The following SH2D4B variants were observed in gnomAD, a reference collection of about 807,000 sequenced individuals.
SH2D4B encodes the protein SH2 domain containing 4B, also known as SH2 domain-containing protein 4B.
In SH2D4B, 45 loss-of-function variants were observed where a neutral mutation model predicts 61.5. The ratio of observed to expected loss-of-function variants is 0.73; its 90% confidence interval spans 0.58 to 0.94. The LOEUF (loss-of-function observed/expected upper bound fraction) is 0.94. SH2D4B is among the 40% of genes least tolerant of loss of function. The pLI, the probability that SH2D4B is intolerant of heterozygous loss-of-function variation, is 0.00. For synonymous variants in SH2D4B, 224 were observed against 220.4 expected (o/e 1.02, Z -0.14); for missense variants, 572 against 574.2 (o/e 1.00, Z 0.04).
chr10:80,624,720 G>C (rs1302202186), intron 6 of SH2D4B, among the ~76,000 whole-genome samples: 1 of 151,932 alleles, frequency 6.6e-6, no homozygotes, highest in African/African-American at 2.4e-5. Flanking sequence ...CATACTTCAG[G>C]GACACAGACA....
intron 4 of SH2D4B, among the ~76,000 whole-genome samples, chr10:80,591,639 T>C (rs113339529): frequency 0.027 from 4,163 of 151,936 alleles, 183 homozygotes; most frequent in African/African-American, 0.093. Flanking sequence ...TAGCTGGGAT[T>C]ACAGGTGTGT....
chr10:80,588,898 G>A (rs1212819369), intron 4 of SH2D4B, 121 bp downstream of exon 4: 2 of 1,257,456 alleles, frequency 1.6e-6, no homozygotes, highest in Admixed American at 2.1e-5. Context: ...GCCTTTACTT[G>A]GACCCGGCCA....
chr10:80,627,832 T>C (rs1294787241), intron 6 of SH2D4B, among the ~76,000 whole-genome samples: 1 of 151,912 alleles, frequency 6.6e-6, no homozygotes, highest in Non-Finnish European at 1.5e-5. Flanking sequence ...AGAGAAAATG[T>C]TCCTGGAAAC....
At chr10:80,585,465 C>T (rs575053968) in intron 3 of SH2D4B, among the ~76,000 whole-genome samples, 4 of 152,204 alleles carry the variant, frequency 2.6e-5, no homozygotes, top group African/African-American at 7.2e-5. Context: ...CAGGTGCATG[C>T]CACCATGCCC....
Position 80,609,407 on chromosome 10 carries a change from A to C in SH2D4B, c.861-17A>C, listed in dbSNP as rs1589356072. The stretch of plus-strand genomic sequence containing the variant: ...CCTCCCTGACTCTTCTGCCCTCCCC[A>C]CTTTCTTTCTCTTCAGCAGGACCTG... On this transcript the variant is annotated splice_polypyrimidine_tract_variant and intron_variant, in intron 5 of 7. Transcript: ENST00000646907. 5 of 1,577,432 alleles carry C rather than the reference A, an allele frequency of 3.2e-6. No individual in the cohort carries two copies. The South Asian group carries it at 3.4e-5, about 11-fold the overall frequency.
intron 6 of SH2D4B, among the ~76,000 whole-genome samples, chr10:80,632,862 GCTC>G (rs149232623): frequency 0.027 from 4,042 of 151,800 alleles, 189 homozygotes; most frequent in African/African-American, 0.094. Flanking sequence ...TGGCGAAAGG[GCTC>G]CTCACTTCCT....
intron 4 of SH2D4B, among the ~76,000 whole-genome samples, chr10:80,591,404 T>C (rs1163138609): frequency 3.3e-5 from 5 of 151,878 alleles, no homozygotes; most frequent in Admixed American, 1.3e-4. Flanking sequence ...ATTGAGGGGC[T>C]GAGTCTGGTA....
At chr10:80,638,255 G>T (rs554841093) in intron 7 of SH2D4B, among the ~76,000 whole-genome samples, 72 of 152,176 alleles carry the variant, frequency 4.7e-4, no homozygotes, top group African/African-American at 1.6e-3. Flanking sequence ...CTCTTTTTTT[G>T]TTGTGTCTCT....
rs553331122 is a variant in SH2D4B at position 80,561,006 on chromosome 10, G to A, written c.185-9148G>A. ...ATTCCTTGGTGAAACAGTAAACTTC[G>A]TACTGTGTGACAAAATGGGAAGTAT... On this transcript the variant is annotated intron_variant, in intron 1 of 7. Transcript: ENST00000646907. Among the ~76,000 whole-genome samples, 11 of 152,188 alleles carry A rather than the reference G, an allele frequency of 7.2e-5. No homozygotes were observed. In the South Asian group the frequency reaches 1.7e-3, roughly 23 times the overall value.
At chr10:80,547,698 A>T (rs747261183) in intron 1 of SH2D4B, among the ~76,000 whole-genome samples, 1 of 152,200 alleles carries the variant, frequency 6.6e-6, no homozygotes. Context: ...TATTCAAGGA[A>T]CAATTCTCTG....
In SH2D4B at chr10:80,612,439, A is replaced by G. The variant is rs189527256; in HGVS notation, c.988+2888A>G. On this transcript the variant is annotated intron_variant, in intron 6 of 7. Coordinates refer to ENST00000646907, the MANE Select transcript of SH2D4B (RefSeq NM_001388272.1). ...TGGGGCATCTCTGCACCATGGATCTATTACACTCTTCTGGGACCAGTGGGC... is the reference window on the plus strand; with the variant it reads ...TGGGGCATCTCTGCACCATGGATCTGTTACACTCTTCTGGGACCAGTGGGC... Among the ~76,000 whole-genome samples, 190 of 152,090 alleles carry G rather than the reference A, an allele frequency of 1.2e-3. 2 individuals carry two copies. Among genetic ancestry groups the G allele is most frequent in the African/African-American group, 4.3e-3 (179 of 41,486 alleles).
At chr10:80,584,048 C>T (rs1842215237) in intron 3 of SH2D4B, among the ~76,000 whole-genome samples, 1 of 152,216 alleles carries the variant, frequency 6.6e-6, no homozygotes, top group Admixed American at 6.5e-5. Flanking sequence ...AAGTCTTTAA[C>T]ATTCTGCAGG....
rs777438324 is a variant in SH2D4B, at chr10:80,644,115, G to T, written c.*30G>T. 1.3e-5 allele frequency: 21 copies of T among 1,574,486 alleles called. No individual in the cohort carries two copies. In the African/African-American group the frequency reaches 1.8e-4, roughly 13 times the overall value. On this transcript the variant is annotated 3_prime_UTR_variant, in exon 8 of 8. Coordinates refer to ENST00000646907, the MANE Select transcript of SH2D4B (RefSeq NM_001388272.1). Reference sequence around the variant, plus strand: ...TTTCCTTATCAATTGGATTCATTTTGGTATCCTGTTTTTGAACTCAGCTTA... The same window carrying T: ...TTTCCTTATCAATTGGATTCATTTTTGTATCCTGTTTTTGAACTCAGCTTA...
Position 80,588,658 on chromosome 10 carries a change from G to A in SH2D4B, c.524G>A (p.Gly175Glu), listed in dbSNP as rs1243196082. ...AAAGAGGAAGAGGAGAGGAAGCGAG[G>A]AGAAGAGCAGATTCGCCTCCAGGAA... Reference protein sequence around the residue: ...KRKEEEERKRGEEQIRLQEEQ... With the variant: ...KRKEEEERKREEEQIRLQEEQ... Residue 175 changes from glycine (G) to glutamate (E), a missense_variant, in exon 4 of 8, where the codon GGA (glycine) becomes GAA (glutamate). Transcript: ENST00000646907. 1.2e-6 allele frequency: 2 copies of A among 1,614,040 alleles called. No homozygotes were observed. Among genetic ancestry groups the A allele is most frequent in the East Asian group, 4.5e-5 (2 of 44,878 alleles).
chr10:80,618,210 C>G (rs1842680628), intron 6 of SH2D4B, among the ~76,000 whole-genome samples: 1 of 152,178 alleles, frequency 6.6e-6, no homozygotes, highest in Admixed American at 6.5e-5. Context: ...GTCAGTGAGA[C>G]TGATATTAAA....
In SH2D4B at chr10:80,631,200, A is replaced by G. The variant is rs1002160823; in HGVS notation, c.989-3085A>G. On this transcript the variant is annotated intron_variant, in intron 6 of 7. Coordinates refer to ENST00000646907, the MANE Select transcript of SH2D4B (RefSeq NM_001388272.1). ...ATATCTATACTGCCATGTTGATTGT[A>G]GCATTATTCACAATAGCCAAGATAG... is the stretch of plus-strand genomic sequence containing the variant. 2.6e-5 allele frequency among the ~76,000 whole-genome samples: 4 copies of G among 152,370 alleles called. No homozygotes were observed. In the East Asian group the frequency reaches 5.8e-4, roughly 22 times the overall value.
At chr10:80,635,188 CT>C (rs1842882494) in intron 7 of SH2D4B, among the ~76,000 whole-genome samples, 1 of 152,140 alleles carries the variant, frequency 6.6e-6, no homozygotes, top group South Asian at 2.1e-4. Flanking sequence ...GTTATTTGTC[CT>C]CCTGCCATGG....
rs1038171860 is a variant in SH2D4B, at chr10:80,583,140, C to T, written c.496-5490C>T. Among the ~76,000 whole-genome samples, 5 of 152,236 alleles carry T rather than the reference C, an allele frequency of 3.3e-5. No individual in the cohort carries two copies. In the East Asian group the frequency reaches 9.6e-4, roughly 29 times the overall value. ...AAATCAAACGAACTTAAACCATACT[C>T]GCACACAGAGGAAACAGACCTAAAT... is the stretch of plus-strand genomic sequence containing the variant. On this transcript the variant is annotated intron_variant, in intron 3 of 7. Transcript: ENST00000646907.
chr10:80,608,610 C>T (rs79992765), intron 5 of SH2D4B, among the ~76,000 whole-genome samples: 3,691 of 152,180 alleles, frequency 0.024, 139 homozygotes, highest in African/African-American at 0.08. Flanking sequence ...AAAGCAATGA[C>T]GAGCTTGGCT....
Sources: gnomAD v4.1 joint callset for allele counts (sites outside exome capture counted in the v4.1 genomes callset) on GRCh38, gnomAD v4.1.1 for gene constraint, MANE v1.5 for transcripts, NCBI Gene and HGNC (gene_info 2026-07-23, HGNC 2026-07-21) for gene names.